The following OLFM2 variants were observed in gnomAD, a reference collection of about 807,000 sequenced individuals.
OLFM2 encodes olfactomedin 2, also known as noelin-2.
In OLFM2, 20 loss-of-function variants were observed where a neutral mutation model predicts 43.9. That is an observed-to-expected ratio of 0.46 (90% CI 0.32 to 0.66). The LOEUF (loss-of-function observed/expected upper bound fraction) is 0.66. Among genes scored for constraint, OLFM2 ranks in the 30% least tolerant of loss-of-function variants. The pLI is 0.04. For missense variants in OLFM2, 416 were observed against 643.6 expected, an observed-to-expected ratio of 0.65 and a Z score of 3.83; for synonymous variants, 268 against 278.6, an observed-to-expected ratio of 0.96 and a Z score of 0.38.
intron 1 of OLFM2, among the ~76,000 whole-genome samples, chr19:9,872,107 C>T (rs1368391950): frequency 1.3e-5 from 2 of 152,138 alleles, no homozygotes; most frequent in Non-Finnish European, 2.9e-5. Flanking sequence ...ATGTCTGAGC[C>T]GTGACAGGGG....
chr19:9,873,579 G>A (rs982611104), intron 1 of OLFM2, among the ~76,000 whole-genome samples: 1 of 152,008 alleles, frequency 6.6e-6, no homozygotes, highest in African/African-American at 2.4e-5. Flanking sequence ...TTCAGCCTCC[G>A]GAGTAGCTGA....
intron 1 of OLFM2, among the ~76,000 whole-genome samples, chr19:9,908,013 AT>A (rs1213245108): frequency 6.6e-6 from 1 of 152,158 alleles, no homozygotes; most frequent in Non-Finnish European, 1.5e-5. Context: ...TCAAAAAAAA[AT>A]AAAATAAAAT....
chr19:9,908,106 A>C (rs1294935304), intron 1 of OLFM2, among the ~76,000 whole-genome samples: 1 of 150,936 alleles, frequency 6.6e-6, no homozygotes, highest in Non-Finnish European at 1.5e-5. Context: ...TCCTTCCCTC[A>C]CCTCCTCTCC....
rs1414145793 is a variant in OLFM2, at chr19:9,856,044, GGC to G, written c.687+761_687+762del. Reference sequence around the variant, plus strand: ...AACCCCTGTCACCATGAGGTGACCAGGCGTGTCATCAACATCATTGTTGTCAT... The same window carrying G: ...AACCCCTGTCACCATGAGGTGACCAGGTGTCATCAACATCATTGTTGTCAT... On this transcript the variant is annotated intron_variant, in intron 5 of 5. Coordinates refer to ENST00000264833, the MANE Select transcript of OLFM2 (RefSeq NM_058164.4). The surrounding 1 kb of genome is among the most constrained non-coding windows in gnomAD (Gnocchi z 4.0). Among the ~76,000 whole-genome samples the G allele has an allele frequency of 2.0e-5, 3 of 152,160 alleles. No homozygotes were observed. Among genetic ancestry groups the G allele is most frequent in the African/African-American group, 7.2e-5 (3 of 41,434 alleles).
At chr19:9,893,130 T>C (rs2046652548) in intron 1 of OLFM2, among the ~76,000 whole-genome samples, 1 of 152,050 alleles carries the variant, frequency 6.6e-6, no homozygotes, top group East Asian at 1.9e-4. Flanking sequence ...TAGTCTGTCA[T>C]AGAGTCAAAC....
intron 1 of OLFM2, among the ~76,000 whole-genome samples, chr19:9,922,273 T>C (rs10422580): frequency 1.5e-4 from 22 of 150,250 alleles, no homozygotes; most frequent in African/African-American, 5.2e-4. Context: ...AAAATCTAGA[T>C]ACACACACAC....
chr19:9,857,838 C>T lies in OLFM2; in HGVS notation c.237G>A (p.Met79Ile). 1 of 1,614,102 alleles carries T rather than the reference C, an allele frequency of 6.2e-7. No individual in the cohort carries two copies. Among genetic ancestry groups the T allele is most frequent in the Non-Finnish European group, 8.5e-7 (1 of 1,180,028 alleles). Reference protein sequence around the residue: ...MEKVQNVSQSMEVLELRTYRD... With the variant: ...MEKVQNVSQSIEVLELRTYRD... The stretch of plus-strand genomic sequence containing the variant: ...GATACGTCCGCAACTCAAGGACCTC[C>T]ATGGACTGGGAGACGTTCTGGACCT... Residue 79 changes from methionine (M) to isoleucine (I), a missense_variant, in exon 3 of 6, where the codon ATG becomes ATA. Transcript: ENST00000264833. This position sits in a 1 kb window ranked among gnomAD's most constrained non-coding sequence, Gnocchi z 5.7.
chr19:9,863,262 T>C (rs2046377509), intron 1 of OLFM2, among the ~76,000 whole-genome samples: 1 of 151,928 alleles, frequency 6.6e-6, no homozygotes, highest in South Asian at 2.1e-4. Context: ...TGGAGGCAGA[T>C]GAGAGAAGGG....
At chr19:9,879,578 G>C (rs1441938274) in intron 1 of OLFM2, among the ~76,000 whole-genome samples, 1 of 152,062 alleles carries the variant, frequency 6.6e-6, no homozygotes, top group East Asian at 1.9e-4. Context: ...TTCCTGTACA[G>C]CCTGTGGAAC....
At position 9,885,206 on chromosome 19, in the gene OLFM2, T is replaced by TG. The variant is rs560842643; in HGVS notation, c.64-24413dup. The stretch of plus-strand genomic sequence containing the variant: ...GGGAGTGATAGTAGTGCCTTACTGT[T>TG]GAGTGAGTGATTCTGACCCATTCCC... On this transcript the variant is annotated intron_variant, in intron 1 of 5. Coordinates refer to ENST00000264833, the MANE Select transcript of OLFM2 (RefSeq NM_058164.4). 2.0e-5 allele frequency among the ~76,000 whole-genome samples: 3 copies of TG among 152,330 alleles called. No homozygotes were observed. In the South Asian group the frequency reaches 6.2e-4, roughly 32 times the overall value.
chr19:9,872,665 C>T (rs985359603), intron 1 of OLFM2, among the ~76,000 whole-genome samples: 3 of 152,164 alleles, frequency 2.0e-5, no homozygotes, highest in African/African-American at 7.2e-5. Context: ...TGTGAATCCA[C>T]ATATTCATTC....
Position 9,854,758 on chromosome 19 carries a change from G to C in OLFM2, c.793C>G (p.Pro265Ala), listed in dbSNP as rs761708721. 1.9e-6 allele frequency: 3 copies of C among 1,613,538 alleles called. No homozygotes were observed. In the African/African-American group the frequency reaches 4.0e-5, roughly 22 times the overall value. Reference sequence around the variant, plus strand: ...ACCACGTGGCCCGTGCCCGCCCACGGCTGGGGCAGCAGGTGCTGGATAAAG... The same window carrying C: ...ACCACGTGGCCCGTGCCCGCCCACGCCTGGGGCAGCAGGTGCTGGATAAAG... ...QNFIQHLLPQ[P>A]WAGTGHVVYN... Residue 265 changes from proline (P) to alanine (A), a missense_variant, in exon 6 of 6, where the codon CCG becomes GCG. Transcript: ENST00000264833. The surrounding 1 kb of genome is among the most constrained non-coding windows in gnomAD (Gnocchi z 9.5).
Position 9,915,496 on chromosome 19 carries a change from T to A in OLFM2, c.63+20808A>T, listed in dbSNP as rs12608946. On this transcript the variant is annotated intron_variant, in intron 1 of 5. Coordinates refer to ENST00000264833, the MANE Select transcript of OLFM2 (RefSeq NM_058164.4). Reference sequence around the variant, plus strand: ...ACAGAGTGATTGGAGAAAGGGACTTTTTTATTTATTTATTTATTTATTTAT... The same window carrying A: ...ACAGAGTGATTGGAGAAAGGGACTTATTTATTTATTTATTTATTTATTTAT... Among the ~76,000 whole-genome samples, 40 of 94,204 alleles carry A rather than the reference T, an allele frequency of 4.2e-4. 1 individual carries two copies. Among genetic ancestry groups the A allele is most frequent in the South Asian group, 1.3e-3 (4 of 3,182 alleles). 61.8% of individuals were successfully genotyped at this position (94,204 alleles called of 152,430 possible).
At chr19:9,909,313 CG>C (rs2046809402) in intron 1 of OLFM2, among the ~76,000 whole-genome samples, 1 of 152,126 alleles carries the variant, frequency 6.6e-6, no homozygotes, top group Non-Finnish European at 1.5e-5. Context: ...CTTCAGGCCT[CG>C]AAATGATGTC....
chr19:9,870,662 A>C, intron 1 of OLFM2, among the ~76,000 whole-genome samples: 1 of 148,400 alleles, frequency 6.7e-6, no homozygotes, highest in Non-Finnish European at 1.5e-5. Context: ...CAATCCCCGC[A>C]CTCTCCCCTT....
intron 1 of OLFM2, among the ~76,000 whole-genome samples, chr19:9,862,127 T>A (rs1466142341): frequency 6.6e-6 from 1 of 152,052 alleles, no homozygotes; most frequent in East Asian, 1.9e-4. Flanking sequence ...AGAAAACATC[T>A]GGTGGTTGTC....
At chr19:9,922,141 A>G (rs1325645070) in intron 1 of OLFM2, among the ~76,000 whole-genome samples, 2 of 152,224 alleles carry the variant, frequency 1.3e-5, no homozygotes, top group East Asian at 3.9e-4. Flanking sequence ...TCTATTGATT[A>G]AAAGACACCA....
chr19:9,927,893 C>T (rs2086462700), intron 1 of OLFM2, among the ~76,000 whole-genome samples: 1 of 151,792 alleles, frequency 6.6e-6, no homozygotes, highest in African/African-American at 2.4e-5. Context: ...GAAACCCTGT[C>T]TCTACTAAAA....
chr19:9,909,397 G>A (rs1214644128), intron 1 of OLFM2, among the ~76,000 whole-genome samples: 4 of 152,152 alleles, frequency 2.6e-5, no homozygotes, highest in Non-Finnish European at 4.4e-5. Context: ...AAGCCATTCC[G>A]CTGAAGGCTC....
Sources: gnomAD v4.1 joint callset for allele counts (sites outside exome capture counted in the v4.1 genomes callset) on GRCh38, gnomAD v4.1.1 for gene constraint, Gnocchi (gnomAD v3.1) non-coding constraint, MANE v1.5 for transcripts, NCBI Gene and HGNC (gene_info 2026-07-23, HGNC 2026-07-21) for gene names.